The following RREB1 variants were observed in gnomAD, a reference collection of about 807,000 sequenced individuals.
RREB1 encodes ras responsive element binding protein 1, also known as ras-responsive element-binding protein 1.
A neutral mutation model predicts 117.8 loss-of-function variants in RREB1; 27 were observed. The ratio of observed to expected loss-of-function variants is 0.23; its 90% CI spans 0.17 to 0.32. RREB1 has a LOEUF of 0.32. RREB1 is among the 10% of genes least tolerant of loss of function. The pLI is 1.00. For synonymous variants in RREB1, 1,298 were observed against 1,026.7 expected (o/e 1.26, Z -5.05); for missense variants, 2,577 against 2,378.2 (o/e 1.08, Z -1.74).
At chr6:7,201,362 G>T (rs543650886) in intron 6 of RREB1, among the ~76,000 whole-genome samples, 2 of 152,054 alleles carry the variant, frequency 1.3e-5, no homozygotes, top group Admixed American at 1.3e-4. Context: ...ACATTTTTCC[G>T]CCTTTGTTTA....
At position 7,229,978 on chromosome 6, in the gene RREB1, A is replaced by C; in HGVS notation, c.1879A>C (p.Met627Leu). 6.2e-7 allele frequency: 1 copy of C among 1,607,302 alleles called. No homozygotes were observed. The highest frequency in any genetic ancestry group is 1.7e-4 in the Middle Eastern group (1 of 6,040). Reference protein sequence around the residue: ...EITEGELKAFMTAPGGKKTPA... With the variant: ...EITEGELKAFLTAPGGKKTPA... ...CACAGAGGGGGAACTCAAGGCCTTC[A>C]TGACAGCGCCCGGCGGCAAGAAGAC... Residue 627 changes from methionine (M) to leucine (L), a missense_variant, in exon 10 of 13, where the codon ATG becomes CTG. Met to Leu is a conservative substitution (Grantham distance 15). Transcript: ENST00000379938. This position sits in a 1 kb window ranked among gnomAD's most constrained non-coding sequence, Gnocchi z 4.5.
At chr6:7,181,788 A>T in intron 3 of RREB1, 82 bp from the exon 4 acceptor site, 1 of 934,650 alleles carries the variant, frequency 1.1e-6, no homozygotes, top group Non-Finnish European at 1.7e-6. Context: ...AATTACAATT[A>T]GAGTAGCCAT....
At chr6:7,233,629 G>C (rs1292871090) in intron 10 of RREB1, among the ~76,000 whole-genome samples, 1 of 152,142 alleles carries the variant, frequency 6.6e-6, no homozygotes, top group African/African-American at 2.4e-5. Context: ...TGGGCATCCT[G>C]GGTTTTTTTT....
At chr6:7,177,131 A>G (rs894308322) in intron 2 of RREB1, among the ~76,000 whole-genome samples, 2 of 150,502 alleles carry the variant, frequency 1.3e-5, no homozygotes, top group Admixed American at 1.3e-4. Context: ...AGGCACGAGA[A>G]TCGCTTGAAC....
rs1370344563 is a variant in RREB1, at chr6:7,171,586, CTTT to C, written c.-284-5068_-284-5066del. Reference sequence around the variant, plus strand: ...TGACTCAGTCCCTCTCAACCTTTGTCTTTATGGCTGTACACTGGGAACAATCCT... The same window carrying C: ...TGACTCAGTCCCTCTCAACCTTTGTCATGGCTGTACACTGGGAACAATCCT... On this transcript the variant is annotated intron_variant, in intron 1 of 12. Transcript: ENST00000379938. Among the ~76,000 whole-genome samples, 6 of 152,312 alleles carry C rather than the reference CTTT, an allele frequency of 3.9e-5. No individual in the cohort carries two copies. In the East Asian group the frequency reaches 9.7e-4, roughly 25 times the overall value.
chr6:7,186,936 C>T (rs1002487405), intron 4 of RREB1, among the ~76,000 whole-genome samples: 31 of 152,200 alleles, frequency 2.0e-4, no homozygotes, highest in African/African-American at 6.5e-4. Context: ...CACAGCTAGG[C>T]ACTGAGGGCT....
At chr6:7,143,389 G>A (rs555020876) in intron 1 of RREB1, among the ~76,000 whole-genome samples, 25 of 152,338 alleles carry the variant, frequency 1.6e-4, no homozygotes, top group Non-Finnish European at 3.5e-4. Flanking sequence ...TCACTCCCTT[G>A]GTCTGAGACT....
At chr6:7,162,019 A>G (rs1763692200) in intron 1 of RREB1, among the ~76,000 whole-genome samples, 1 of 152,098 alleles carries the variant, frequency 6.6e-6, no homozygotes, top group South Asian at 2.1e-4. Context: ...TGGCTCTTAG[A>G]TGGAACCTTG....
rs138174309 is a variant in RREB1 at position 7,168,873 on chromosome 6, C to T, written c.-284-7782C>T. 3.2e-4 allele frequency among the ~76,000 whole-genome samples: 49 copies of T among 152,314 alleles called. No homozygotes were observed. In the East Asian group the frequency reaches 5.6e-3, roughly 17 times the overall value. The stretch of plus-strand genomic sequence containing the variant: ...CAACCCCAGGCTAGACTCCTGGCTC[C>T]GCCCTTTAAGAGCTGTGCTATATCT... On this transcript the variant is annotated intron_variant, in intron 1 of 12. Coordinates refer to ENST00000379938, the MANE Select transcript of RREB1 (RefSeq NM_001003699.4).
chr6:7,178,167 A>G (rs1029831410), intron 2 of RREB1, among the ~76,000 whole-genome samples: 1 of 152,160 alleles, frequency 6.6e-6, no homozygotes, highest in Non-Finnish European at 1.5e-5. Context: ...GCCTTATTTT[A>G]TAATAATAAC....
Position 7,113,147 on chromosome 6 carries a change from ACTGG to A in RREB1, c.-285+5088_-285+5091del, listed in dbSNP as rs1362152694. Among the ~76,000 whole-genome samples the A allele has an allele frequency of 2.7e-4, 36 of 135,306 alleles. 1 individual carries two copies. The highest frequency in any genetic ancestry group is 8.5e-5 in the Non-Finnish European group (5 of 58,960). The allele number at this position is 135,306 out of a possible 152,430, so 88.8% of individuals were successfully genotyped here. On this transcript the variant is annotated intron_variant, in intron 1 of 12. Coordinates refer to ENST00000379938, the MANE Select transcript of RREB1 (RefSeq NM_001003699.4). Reference sequence around the variant, plus strand: ...CCTCTGTGAAGTCCGGGGACTGGGGACTGGGTCCTGACTGCTCCTGCAGGGATTC... The same window carrying A: ...CCTCTGTGAAGTCCGGGGACTGGGGAGTCCTGACTGCTCCTGCAGGGATTC...
At chr6:7,240,679 T>C (rs545624495) in intron 11 of RREB1, 77 bp downstream of exon 11, 302 of 1,386,666 alleles carry the variant, frequency 2.2e-4, no homozygotes, top group Admixed American at 3.2e-4. Context: ...CAAACTCCAG[T>C]CCGAGCTGTG....
At chr6:7,157,012 C>T (rs1188292420) in intron 1 of RREB1, among the ~76,000 whole-genome samples, 5 of 152,184 alleles carry the variant, frequency 3.3e-5, no homozygotes, top group Admixed American at 6.5e-5. Context: ...GTCTGACTGC[C>T]GCTGGGCTGC....
At chr6:7,140,437 A>G (rs928789588) in intron 1 of RREB1, among the ~76,000 whole-genome samples, 1 of 152,228 alleles carries the variant, frequency 6.6e-6, no homozygotes, top group African/African-American at 2.4e-5. Flanking sequence ...TGGAGTTAGC[A>G]CAGTAACTCG....
intron 1 of RREB1, among the ~76,000 whole-genome samples, chr6:7,137,659 A>C (rs532909848): frequency 1.3e-5 from 2 of 151,944 alleles, no homozygotes; most frequent in Admixed American, 1.3e-4. Flanking sequence ...TGAAAACATT[A>C]GTTGGAAAGG....
rs1201467573 is a variant in RREB1, at chr6:7,249,064, A to T, written c.*96A>T. The T allele has an allele frequency of 5.1e-4, 2 of 3,906 alleles. No homozygotes were observed. The highest frequency in any genetic ancestry group is 1.7e-3 in the Non-Finnish European group (2 of 1,172). The allele number at this position is 3,906 out of a possible 1,614,324, so 0.2% of individuals were successfully genotyped here. ...AGTGCCCTTTGGCTGTTGAGGAGTG[A>T]GAGAGAGAGAGAGAGAGAGAGAGAG... On this transcript the variant is annotated 3_prime_UTR_variant, in exon 13 of 13. Coordinates refer to ENST00000379938, the MANE Select transcript of RREB1 (RefSeq NM_001003699.4).
At chr6:7,236,367 C>G (rs879719958) in intron 10 of RREB1, among the ~76,000 whole-genome samples, 64 of 152,190 alleles carry the variant, frequency 4.2e-4, no homozygotes, top group Non-Finnish European at 8.1e-4. Flanking sequence ...GCTTTCCCCC[C>G]ACACCCTTTC....
At chr6:7,134,206 T>C (rs1420056584) in intron 1 of RREB1, among the ~76,000 whole-genome samples, 2 of 152,238 alleles carry the variant, frequency 1.3e-5, no homozygotes, top group African/African-American at 4.8e-5. Flanking sequence ...AGAAAAATAC[T>C]GAACTGACAA....
chr6:7,173,487 T>C (rs968340249), intron 1 of RREB1, among the ~76,000 whole-genome samples: 16 of 151,052 alleles, frequency 1.1e-4, no homozygotes, highest in Middle Eastern at 3.4e-3. Flanking sequence ...AATGAGACTC[T>C]GTCTCAAAAA....
Sources: gnomAD v4.1 joint callset for allele counts (sites outside exome capture counted in the v4.1 genomes callset) on GRCh38, gnomAD v4.1.1 for gene constraint, Gnocchi (gnomAD v3.1) non-coding constraint, MANE v1.5 for transcripts, NCBI Gene and HGNC (gene_info 2026-07-23, HGNC 2026-07-21) for gene names.